Variants in DPP10 observed in about 807,000 individuals in gnomAD.
DPP10 encodes inactive dipeptidyl peptidase 10.
DPP10 carries 33 observed loss-of-function variants against 120.9 expected under a neutral mutation model. That is an observed-to-expected ratio of 0.27 (90% CI 0.21 to 0.37). DPP10 has a LOEUF of 0.37. Among genes scored for constraint, DPP10 ranks in the 10% least tolerant of loss-of-function variants. The probability of loss-of-function intolerance (pLI) is 1.00; values close to 1 mark genes in which losing one functional copy is unlikely to be tolerated. For missense variants in DPP10, 816 were observed against 942.8 expected (o/e 0.87, Z 1.76); for synonymous variants, 337 against 326.1 (o/e 1.03, Z -0.36).
At chr2:115,244,482 C>G (rs1038235722) in intron 1 of DPP10, among the ~76,000 whole-genome samples, 3 of 151,682 alleles carry the variant, frequency 2.0e-5, no homozygotes, top group African/African-American at 7.3e-5. Context: ...ATAATTAAAA[C>G]AGAGCTTTGT....
At chr2:115,536,816 G>A (rs542930276) in intron 5 of DPP10, among the ~76,000 whole-genome samples, 16 of 152,038 alleles carry the variant, frequency 1.1e-4, no homozygotes, top group African/African-American at 3.9e-4. Context: ...AAATATCTAA[G>A]CTCAAGTCAT....
chr2:115,485,133 T>A (rs1292382634), intron 3 of DPP10, among the ~76,000 whole-genome samples: 1 of 151,546 alleles, frequency 6.6e-6, no homozygotes, highest in Non-Finnish European at 1.5e-5. Context: ...GTAAGTTACA[T>A]CCTGGGCATA....
chr2:114,603,077 C>T (rs1294693419), intron 1 of DPP10, among the ~76,000 whole-genome samples: 1 of 151,974 alleles, frequency 6.6e-6, no homozygotes, highest in Non-Finnish European at 1.5e-5. Flanking sequence ...TTCCTGGGGC[C>T]CTGGACTAAG....
intron 1 of DPP10, among the ~76,000 whole-genome samples, chr2:114,515,005 A>G (rs1684473664): frequency 6.6e-6 from 1 of 152,198 alleles, no homozygotes. Context: ...GCTTCAGTAC[A>G]GTTTGTAGCT....
intron 1 of DPP10, among the ~76,000 whole-genome samples, chr2:114,909,892 C>A (rs1185429673): frequency 6.6e-6 from 1 of 151,814 alleles, no homozygotes; most frequent in African/African-American, 2.4e-5. Context: ...AAAAAATAAG[C>A]CGCTATAAGC....
intron 2 of DPP10, among the ~76,000 whole-genome samples, chr2:115,326,286 C>A (rs1304745399): frequency 6.6e-6 from 1 of 152,004 alleles, no homozygotes; most frequent in Non-Finnish European, 1.5e-5. Flanking sequence ...AGTGACACAA[C>A]CGTAGTAAGG....
chr2:115,079,915 A>G (rs1708126541), intron 1 of DPP10, among the ~76,000 whole-genome samples: 1 of 152,218 alleles, frequency 6.6e-6, no homozygotes, highest in African/African-American at 2.4e-5. Flanking sequence ...GGAAACATTA[A>G]GGGCACATAA....
At chr2:114,784,401 T>C (rs1394076650) in intron 1 of DPP10, among the ~76,000 whole-genome samples, 1 of 152,096 alleles carries the variant, frequency 6.6e-6, no homozygotes, top group African/African-American at 2.4e-5. Context: ...AAGAGGTAGG[T>C]TTAAAAACCT....
At chr2:115,351,311 G>A (rs1344049810) in intron 3 of DPP10, among the ~76,000 whole-genome samples, 1 of 152,056 alleles carries the variant, frequency 6.6e-6, no homozygotes. Flanking sequence ...ATAAGTGGGA[G>A]CTAAATCTTG....
intron 1 of DPP10, chr2:115,145,135 A>G (rs1182724559): frequency 6.6e-6 from 1 of 151,968 alleles, no homozygotes; most frequent in Non-Finnish European, 1.5e-5. Flanking sequence ...CTTTTGTGAT[A>G]TGTGTGTCAG....
intron 1 of DPP10, among the ~76,000 whole-genome samples, chr2:114,899,981 A>G (rs554867668): frequency 2.0e-5 from 3 of 152,322 alleles, no homozygotes; most frequent in Non-Finnish European, 4.4e-5. Context: ...CAAACAAAAA[A>G]GATTTATTCG....
At chr2:114,477,971 ATG>A (rs1465889220) in intron 1 of DPP10, among the ~76,000 whole-genome samples, 2 of 150,214 alleles carry the variant, frequency 1.3e-5, no homozygotes, top group Non-Finnish European at 1.5e-5. Context: ...ATATGTATAT[ATG>A]TGTATATATG....
chr2:114,919,404 G>A (rs76873526), intron 1 of DPP10, among the ~76,000 whole-genome samples: 3,022 of 152,336 alleles, frequency 0.02, 107 homozygotes, highest in African/African-American at 0.069. Flanking sequence ...ACTGAAAGAA[G>A]ATAAGAATTC....
At chr2:114,598,164 T>C (rs1313081595) in intron 1 of DPP10, among the ~76,000 whole-genome samples, 1 of 151,896 alleles carries the variant, frequency 6.6e-6, no homozygotes, top group Non-Finnish European at 1.5e-5. Flanking sequence ...GATTGCATCA[T>C]AGAGGATATA....
chr2:114,518,115 A>G (rs919804505), intron 1 of DPP10, among the ~76,000 whole-genome samples: 1 of 115,964 alleles, frequency 8.6e-6, no homozygotes, highest in African/African-American at 3.5e-5. Flanking sequence ...GTCCTGCTCT[A>G]TCACCCAGGC....
intron 11 of DPP10, among the ~76,000 whole-genome samples, chr2:115,754,924 T>C (rs1679207789): frequency 6.6e-6 from 1 of 152,092 alleles, no homozygotes; most frequent in Non-Finnish European, 1.5e-5. Context: ...ATATGTATGA[T>C]TATTATGTAT....
At chr2:115,043,694 A>T (rs1704843663) in intron 1 of DPP10, among the ~76,000 whole-genome samples, 1 of 152,180 alleles carries the variant, frequency 6.6e-6, no homozygotes, top group Admixed American at 6.5e-5. Flanking sequence ...ATGAAGGAAA[A>T]AAGCTAAAGA....
intron 1 of DPP10, among the ~76,000 whole-genome samples, chr2:114,950,335 C>T (rs1697685378): frequency 7.0e-6 from 1 of 143,748 alleles, no homozygotes; most frequent in Non-Finnish European, 1.5e-5. Context: ...TTGCTCTGTC[C>T]CCAGACTGGA....
intron 3 of DPP10, among the ~76,000 whole-genome samples, chr2:115,380,412 T>A (rs1404443957): frequency 6.6e-6 from 1 of 152,208 alleles, no homozygotes; most frequent in African/African-American, 2.4e-5. Flanking sequence ...TTGGTAGATC[T>A]TCTTCCATCC....
Sources: gnomAD v4.1 joint callset for allele counts (sites outside exome capture counted in the v4.1 genomes callset) on GRCh38, gnomAD v4.1.1 for gene constraint, MANE v1.5 for transcripts, NCBI Gene and HGNC (gene_info 2026-07-23, HGNC 2026-07-21) for gene names.